BBX: variants seen among roughly 807,000 people sequenced by gnomAD.
BBX encodes the protein BBX high mobility group box domain containing, also known as HMG box transcription factor BBX.
Under a neutral mutation model 100.2 loss-of-function variants are expected in BBX, and 30 were observed. The ratio of observed to expected loss-of-function variants is 0.30; its 90% CI spans 0.22 to 0.41. The LOEUF (loss-of-function observed/expected upper bound fraction) is 0.41, where lower values mean the gene tolerates loss of function less well. BBX is among the 10% of genes least tolerant of loss of function. The pLI, the probability that BBX is intolerant of heterozygous loss-of-function variation, is 1.00. For synonymous variants in BBX, 376 were observed against 388.1 expected (o/e 0.97, Z 0.37); for missense variants, 1,023 against 1,129.8 (o/e 0.91, Z 1.35).
intron 2 of BBX, among the ~76,000 whole-genome samples, chr3:107,565,767 T>A (rs1290123671): frequency 3.3e-5 from 5 of 151,954 alleles, no homozygotes; most frequent in Non-Finnish European, 7.4e-5. Context: ...TAGTTTTTTT[T>A]TTATTTTTTA....
At chr3:107,535,237 C>T (rs1227920748) in intron 2 of BBX, among the ~76,000 whole-genome samples, 1 of 152,066 alleles carries the variant, frequency 6.6e-6, no homozygotes, top group Admixed American at 6.5e-5. Flanking sequence ...GCTAAGAATT[C>T]TCCCCAATTT....
chr3:107,594,573 C>T (rs1359858190), intron 2 of BBX, among the ~76,000 whole-genome samples: 1 of 152,160 alleles, frequency 6.6e-6, no homozygotes, highest in Non-Finnish European at 1.5e-5. Context: ...GGCTGCTTAG[C>T]TTCAATGCCA....
intron 3 of BBX, among the ~76,000 whole-genome samples, chr3:107,663,836 C>CA (rs2058595123): frequency 6.8e-6 from 1 of 147,370 alleles, no homozygotes; most frequent in Non-Finnish European, 1.5e-5. Context: ...GATGGAGCCT[C>CA]ACGCTCTCGC....
chr3:107,594,295 T>C (rs1311765250), intron 2 of BBX, among the ~76,000 whole-genome samples: 1 of 152,196 alleles, frequency 6.6e-6, no homozygotes, highest in Non-Finnish European at 1.5e-5. Context: ...CCGCTGCACA[T>C]TATTCTCTTC....
At chr3:107,615,267 C>T (rs780493647) in intron 2 of BBX, among the ~76,000 whole-genome samples, 24 of 152,100 alleles carry the variant, frequency 1.6e-4, no homozygotes, top group Non-Finnish European at 3.1e-4. Context: ...ATGAGTAAAC[C>T]AGACACCAGC....
chr3:107,603,173 C>A (rs2054182344), intron 2 of BBX, among the ~76,000 whole-genome samples: 1 of 151,860 alleles, frequency 6.6e-6, no homozygotes, highest in Non-Finnish European at 1.5e-5. Flanking sequence ...ACCCTGTTGG[C>A]CAGGATGGTC....
At chr3:107,572,209 A>G (rs2051419956) in intron 2 of BBX, among the ~76,000 whole-genome samples, 1 of 152,168 alleles carries the variant, frequency 6.6e-6, no homozygotes, top group South Asian at 2.1e-4. Context: ...ACCACATCGG[A>G]CACTCATTGT....
intron 6 of BBX, 139 bp downstream of exon 6, chr3:107,729,099 G>A (rs2063152251): frequency 1.2e-6 from 1 of 845,130 alleles, no homozygotes; most frequent in African/African-American, 1.7e-5. Flanking sequence ...ATATTTTCAA[G>A]CATTGGATCA....
At chr3:107,804,694 C>T (rs2070901779) in intron 17 of BBX, among the ~76,000 whole-genome samples, 1 of 152,136 alleles carries the variant, frequency 6.6e-6, no homozygotes, top group African/African-American at 2.4e-5. Flanking sequence ...TTGATTTTCA[C>T]CCAACTAGGG....
intron 3 of BBX, among the ~76,000 whole-genome samples, chr3:107,683,397 A>T (rs1272286894): frequency 6.6e-6 from 1 of 152,102 alleles, no homozygotes; most frequent in East Asian, 1.9e-4. Flanking sequence ...CTTTAGTAGG[A>T]TGGGAAGCAT....
At chr3:107,560,379 A>G (rs1450750123) in intron 2 of BBX, among the ~76,000 whole-genome samples, 1 of 152,194 alleles carries the variant, frequency 6.6e-6, no homozygotes, top group Non-Finnish European at 1.5e-5. Context: ...TGTGGCTTAG[A>G]TTTATAAATA....
chr3:107,805,847 A>T lies in BBX; in HGVS notation c.*390A>T, dbSNP rs2071030530. On this transcript the variant is annotated 3_prime_UTR_variant, in exon 18 of 18. Transcript: ENST00000325805. ...ATTACCTAGTTATTCTTTCAAAACA[A>T]AACAAAAAAAAAACAAAAACTGACG... 1 of 216,588 alleles carries T rather than the reference A, an allele frequency of 4.6e-6. No individual in the cohort carries two copies. 13.4% of individuals were successfully genotyped at this position (216,588 alleles called of 1,614,324 possible).
At chr3:107,695,748 C>T (rs1375456038) in intron 3 of BBX, among the ~76,000 whole-genome samples, 6 of 151,210 alleles carry the variant, frequency 4.0e-5, no homozygotes, top group Non-Finnish European at 8.8e-5. Flanking sequence ...TCCTGGGTAT[C>T]CTTGTTGACT....
chr3:107,750,095 C>T (rs1052924187), intron 9 of BBX, among the ~76,000 whole-genome samples: 4 of 152,098 alleles, frequency 2.6e-5, no homozygotes, highest in Admixed American at 1.3e-4. Flanking sequence ...CTTGCTGCTC[C>T]GTACACTAAT....
chr3:107,695,092 C>G (rs1341193160), intron 3 of BBX, among the ~76,000 whole-genome samples: 1 of 137,518 alleles, frequency 7.3e-6, no homozygotes, highest in Admixed American at 7.2e-5. Context: ...CTCTTTTTTT[C>G]TTTATTAGTC....
At chr3:107,758,887 C>T (rs2065688556) in intron 10 of BBX, among the ~76,000 whole-genome samples, 2 of 152,166 alleles carry the variant, frequency 1.3e-5, no homozygotes, top group African/African-American at 4.8e-5. Flanking sequence ...GGCCAGGAAC[C>T]AGCCCCAAAC....
intron 2 of BBX, among the ~76,000 whole-genome samples, chr3:107,535,208 A>T (rs1353686940): frequency 6.6e-6 from 1 of 152,190 alleles, no homozygotes; most frequent in Non-Finnish European, 1.5e-5. Context: ...TAAAAATGAA[A>T]GGTTTGGGAC....
rs576070483 is a variant in BBX at position 107,557,230 on chromosome 3, G to A, written c.-84+30832G>A. 1.1e-4 allele frequency among the ~76,000 whole-genome samples: 16 copies of A among 152,108 alleles called. No individual in the cohort carries two copies. The South Asian group carries it at 3.3e-3, about 32-fold the overall frequency. ...AATATTTTCTCTTTTTCATTTTGTG[G>A]CTTCTACTTGATATACCACTCTGTA... On this transcript the variant is annotated intron_variant, in intron 2 of 17. Coordinates refer to ENST00000325805, the MANE Select transcript of BBX (RefSeq NM_001142568.3).
At chr3:107,636,442 C>G (rs1476725123) in intron 2 of BBX, among the ~76,000 whole-genome samples, 1 of 152,120 alleles carries the variant, frequency 6.6e-6, no homozygotes, top group Non-Finnish European at 1.5e-5. Context: ...GCTGATTATT[C>G]TGCTATTTAA....
Sources: allele counts gnomAD v4.1 joint callset (sites outside exome capture counted in the v4.1 genomes callset), GRCh38; gene constraint gnomAD v4.1.1; transcripts MANE v1.5; gene names NCBI Gene and HGNC (gene_info 2026-07-23, HGNC 2026-07-21).